Variants in ELAPOR1 observed in about 807,000 individuals in gnomAD.
The protein encoded by ELAPOR1 is endosome-lysosome associated apoptosis and autophagy regulator 1.
Under a neutral mutation model 119.7 loss-of-function variants are expected in ELAPOR1, and 77 were observed. The ratio of observed to expected loss-of-function variants is 0.64; its 90% CI spans 0.54 to 0.78. The LOEUF (loss-of-function observed/expected upper bound fraction) is 0.78, where lower values mean the gene tolerates loss of function less well. Among genes scored for constraint, ELAPOR1 ranks in the 30% least tolerant of loss-of-function variants. The pLI, the probability that ELAPOR1 is intolerant of heterozygous loss-of-function variation, is 0.00. For missense variants in ELAPOR1, 1,115 were observed against 1,270.4 expected, an observed-to-expected ratio of 0.88 and a Z score of 1.86; for synonymous variants, 481 against 487.2, an observed-to-expected ratio of 0.99 and a Z score of 0.17.
chr1:109,155,400 G>A (rs888344699), intron 1 of ELAPOR1, among the ~76,000 whole-genome samples: 38 of 151,906 alleles, frequency 2.5e-4, no homozygotes, highest in Non-Finnish European at 2.9e-5. Context: ...GGATGGTCTC[G>A]ATCTCCTGAC....
rs1652834174 is a variant in ELAPOR1 at position 109,183,369 on chromosome 1, A to G, written c.953-1676A>G. Among the ~76,000 whole-genome samples the G allele has an allele frequency of 2.0e-5, 3 of 148,558 alleles. No individual in the cohort carries two copies. The South Asian group carries it at 6.3e-4, about 31-fold the overall frequency. ...AAAAACAAAAAAAAGAGAGAGAGAG[A>G]GAAAAGAAAACAAACCCTATGATGA... On this transcript the variant is annotated intron_variant, in intron 7 of 21. Transcript: ENST00000369939.
chr1:109,151,228 T>C (rs1414651377), intron 1 of ELAPOR1, among the ~76,000 whole-genome samples: 1 of 152,184 alleles, frequency 6.6e-6, no homozygotes. Flanking sequence ...GTTTTTAACA[T>C]GATCTCCAGG....
At chr1:109,161,755 T>A (rs1651275044) in intron 1 of ELAPOR1, 139 bp from the exon 2 acceptor site, 2 of 957,442 alleles carry the variant, frequency 2.1e-6, no homozygotes, top group East Asian at 5.0e-5. Flanking sequence ...TTCATAATCA[T>A]CAGCTCCCTG....
In ELAPOR1 at chr1:109,189,614, C is replaced by T. The variant is rs1230953062; in HGVS notation, c.1371C>T (p.His457=). 7.4e-6 allele frequency: 12 copies of T among 1,614,138 alleles called. No homozygotes were observed. The highest frequency in any genetic ancestry group is 1.0e-5 in the Non-Finnish European group (12 of 1,180,012). The change falls in exon 11 of 22, where the codon CAC becomes CAT. Residue 457 remains histidine, a synonymous_variant. Coordinates refer to ENST00000369939, the MANE Select transcript of ELAPOR1 (RefSeq NM_020775.5). ...CAGGCTGGGAGGTGGCTGGTGATCA[C>T]ATTTACACAGCTGCTGGAGCCTCAG... ...GMTGWEVAGD[H]IYTAAGASDN... is the part of the protein sequence containing the mutation.
intron 7 of ELAPOR1, among the ~76,000 whole-genome samples, chr1:109,177,626 G>A (rs1359590960): frequency 2.0e-5 from 3 of 151,734 alleles, no homozygotes; most frequent in Non-Finnish European, 2.9e-5. Flanking sequence ...CCGAGATCAC[G>A]CCACTATGAG....
In ELAPOR1 at chr1:109,189,129, C is replaced by A; in HGVS notation, c.1283C>A (p.Thr428Lys). 6.2e-7 allele frequency: 1 copy of A among 1,614,114 alleles called. No individual in the cohort carries two copies. Among genetic ancestry groups the A allele is most frequent in the Non-Finnish European group, 8.5e-7 (1 of 1,180,014 alleles). Residue 428 changes from threonine to lysine, a missense_variant, in exon 10 of 22, where the codon ACG (threonine) becomes AAG (lysine). Thr to Lys is a moderately conservative substitution (Grantham distance 78, BLOSUM62 -1). Transcript: ENST00000369939. ...GGATTTGAATACAAATGGTGGAACA[C>A]GCTGCCCACAAACATGGAAACGACC... ...AVGFEYKWWN[T>K]LPTNMETTVL...
At position 109,192,626 on chromosome 1, in the gene ELAPOR1, A is replaced by G; in HGVS notation, c.1699A>G (p.Asn567Asp). Reference sequence around the variant, plus strand: ...TTGTCTCCAGAGCAGGAAGTACACCAATGACGTTGCCAAGATCTACTCCAT... The same window carrying G: ...TTGTCTCCAGAGCAGGAAGTACACCGATGACGTTGCCAAGATCTACTCCAT... ...TFHEASRKYT[N>D]DVAKIYSINV... The change falls in exon 14 of 22, where the codon AAT (asparagine) becomes GAT (aspartate). Residue 567 changes from asparagine to aspartate, a missense_variant. By Grantham distance (23) the Asn-to-Asp change is conservative. Transcript: ENST00000369939. 1 of 1,614,116 alleles carries G rather than the reference A, an allele frequency of 6.2e-7. No individual in the cohort carries two copies. The highest frequency in any genetic ancestry group is 1.6e-4 in the Middle Eastern group (1 of 6,062).
chr1:109,189,607 G>T lies in ELAPOR1; in HGVS notation c.1364G>T (p.Gly455Val). 1 of 1,614,060 alleles carries T rather than the reference G, an allele frequency of 6.2e-7. No homozygotes were observed. The highest frequency in any genetic ancestry group is 8.5e-7 in the Non-Finnish European group (1 of 1,179,944). Reference protein sequence around the residue: ...YKGMTGWEVAGDHIYTAAGAS... With the variant: ...YKGMTGWEVAVDHIYTAAGAS... ...TCCTTTTCAGGCTGGGAGGTGGCTG[G>T]TGATCACATTTACACAGCTGCTGGA... The change falls in exon 11 of 22, where the codon GGT (glycine) becomes GTT (valine). Residue 455 changes from glycine (G) to valine (V), a missense_variant. Gly to Val is a moderately radical substitution (Grantham distance 109). Coordinates refer to ENST00000369939, the MANE Select transcript of ELAPOR1 (RefSeq NM_020775.5).
At chr1:109,115,002 G>A (rs1647897668) in intron 1 of ELAPOR1, among the ~76,000 whole-genome samples, 1 of 152,182 alleles carries the variant, frequency 6.6e-6, no homozygotes, top group Non-Finnish European at 1.5e-5. Flanking sequence ...AATATCTTGT[G>A]TTCTGCCAAC....
chr1:109,189,502 T>C (rs1208422821), intron 10 of ELAPOR1, 90 bp from the exon 11 acceptor site: 2 of 1,183,570 alleles, frequency 1.7e-6, no homozygotes, highest in Non-Finnish European at 2.5e-6. Context: ...CAAAAGATGG[T>C]GTCAAACCTC....
chr1:109,129,843 C>T (rs1479084124), intron 1 of ELAPOR1, among the ~76,000 whole-genome samples: 1 of 152,170 alleles, frequency 6.6e-6, no homozygotes, highest in Non-Finnish European at 1.5e-5. Context: ...TATTAGTTAC[C>T]TTGGGCTGCC....
At chr1:109,196,042 G>A (rs925569739) in intron 15 of ELAPOR1, among the ~76,000 whole-genome samples, 9 of 152,162 alleles carry the variant, frequency 5.9e-5, no homozygotes, top group African/African-American at 2.2e-4. Flanking sequence ...TGTAATCCCA[G>A]CTACTCGGGA....
At position 109,138,570 on chromosome 1, in the gene ELAPOR1, C is replaced by CCAGCAGCAGCAG. The variant is rs71069652; in HGVS notation, c.154-23311_154-23300dup. Among the ~76,000 whole-genome samples, 100 of 151,192 alleles carry CCAGCAGCAGCAG rather than the reference C, an allele frequency of 6.6e-4. 1 individual carries two copies. Among genetic ancestry groups the CCAGCAGCAGCAG allele is most frequent in the African/African-American group, 2.3e-3 (93 of 41,156 alleles). ...GTTTCTATCACCTCCTCCCTCCCCA[C>CCAGCAGCAGCAG]CAGCAGCAGCAGCAGCAGCAGCAGG... On this transcript the variant is annotated intron_variant, in intron 1 of 21. Coordinates refer to ENST00000369939, the MANE Select transcript of ELAPOR1 (RefSeq NM_020775.5).
At chr1:109,137,456 G>A (rs1250078100) in intron 1 of ELAPOR1, among the ~76,000 whole-genome samples, 3 of 151,884 alleles carry the variant, frequency 2.0e-5, no homozygotes, top group South Asian at 2.1e-4. Context: ...TGCCCGCCTC[G>A]GCCGCCCAAA....
chr1:109,198,333 G>A (rs557671100), intron 17 of ELAPOR1, among the ~76,000 whole-genome samples: 2 of 152,296 alleles, frequency 1.3e-5, no homozygotes, highest in South Asian at 2.1e-4. Flanking sequence ...GCCTAAGCAG[G>A]CTCCAGTGTA....
At chr1:109,184,736 C>T (rs755494255) in intron 7 of ELAPOR1, among the ~76,000 whole-genome samples, 2 of 152,206 alleles carry the variant, frequency 1.3e-5, no homozygotes, top group Non-Finnish European at 2.9e-5. Flanking sequence ...TTCCGTCTAC[C>T]CTCCTTGCTG....
chr1:109,164,692 G>C lies in ELAPOR1; in HGVS notation c.467+1G>C. On this transcript the variant is annotated splice_donor_variant, in intron 3 of 21. Transcript: ENST00000369939. LOFTEE classifies it high-confidence loss of function. ...CTGAGTCCACCGGGAACTGTACTTC[G>C]TGAGTCTGCACACACCCCCACCCCA... The C allele has an allele frequency of 6.2e-7, 1 of 1,612,550 alleles. No homozygotes were observed. The highest frequency in any genetic ancestry group is 8.5e-7 in the Non-Finnish European group (1 of 1,179,068).
intron 3 of ELAPOR1, among the ~76,000 whole-genome samples, chr1:109,165,595 A>AC (rs1382116118): frequency 6.6e-6 from 1 of 151,866 alleles, no homozygotes; most frequent in African/African-American, 2.4e-5. Context: ...AAAAAAAAAA[A>AC]AAAAAGAAAA....
intron 1 of ELAPOR1, among the ~76,000 whole-genome samples, chr1:109,151,050 G>C (rs1056616856): frequency 2.6e-5 from 4 of 152,120 alleles, no homozygotes; most frequent in Admixed American, 6.6e-5. Context: ...TGATCCATGG[G>C]CCATAGGTTA....
Sources: allele counts gnomAD v4.1 joint callset (sites outside exome capture counted in the v4.1 genomes callset), GRCh38; gene constraint gnomAD v4.1.1; transcripts MANE v1.5; gene names NCBI Gene and HGNC (gene_info 2026-07-23, HGNC 2026-07-21).